The following DLGAP2 variants were observed in gnomAD, a reference collection of about 807,000 sequenced individuals.
The protein encoded by DLGAP2 is DLG associated protein 2.
DLGAP2 carries 26 observed loss-of-function variants against 100.3 expected under a neutral mutation model. That is an observed-to-expected ratio of 0.26 (90% CI 0.19 to 0.36). The LOEUF (loss-of-function observed/expected upper bound fraction) is 0.36. Ranked by LOEUF, DLGAP2 falls within the 10% of genes least tolerant of loss-of-function variation. The pLI is 1.00. For missense variants in DLGAP2, 1,858 were observed against 1,453.2 expected, an observed-to-expected ratio of 1.28 and a Z score of -4.53; for synonymous variants, 886 against 630.1, an observed-to-expected ratio of 1.41 and a Z score of -6.08.
At chr8:1,191,360 C>T (rs368341459) in intron 2 of DLGAP2, among the ~76,000 whole-genome samples, 10 of 152,024 alleles carry the variant, frequency 6.6e-5, no homozygotes, top group South Asian at 4.2e-4. Context: ...TTGGTAGAGA[C>T]GGGATTTCAC....
intron 3 of DLGAP2, among the ~76,000 whole-genome samples, chr8:1,281,063 C>G (rs890426554): frequency 1.3e-5 from 2 of 152,172 alleles, no homozygotes; most frequent in African/African-American, 4.8e-5. Flanking sequence ...AGAATAGTGC[C>G]CAGCTCAGAG....
At chr8:1,143,570 T>A (rs975037223) in intron 2 of DLGAP2, among the ~76,000 whole-genome samples, 1 of 152,180 alleles carries the variant, frequency 6.6e-6, no homozygotes, top group Non-Finnish European at 1.5e-5. Flanking sequence ...CGCTCAGGAC[T>A]CAGCCCCGGG....
At chr8:1,134,626 G>A (rs1221884092) in intron 2 of DLGAP2, among the ~76,000 whole-genome samples, 3 of 152,086 alleles carry the variant, frequency 2.0e-5, no homozygotes, top group African/African-American at 4.8e-5. Context: ...GTATAAGTTC[G>A]TTTTCACACT....
intron 1 of DLGAP2, among the ~76,000 whole-genome samples, chr8:864,382 A>G (rs1179601437): frequency 6.6e-6 from 1 of 152,210 alleles, no homozygotes; most frequent in Non-Finnish European, 1.5e-5. Flanking sequence ...TGATGGAAAC[A>G]CTACACACCC....
chr8:934,633 C>T (rs192132520), intron 2 of DLGAP2, among the ~76,000 whole-genome samples: 297 of 152,108 alleles, frequency 2.0e-3, no homozygotes, highest in Admixed American at 3.9e-3. Context: ...GTGGTGGGGA[C>T]GGTGGAGGCA....
chr8:892,355 C>A (rs1009247450), intron 1 of DLGAP2, among the ~76,000 whole-genome samples: 5 of 152,120 alleles, frequency 3.3e-5, no homozygotes, highest in Non-Finnish European at 7.4e-5. Flanking sequence ...CACAGCCGAA[C>A]ATGAGTCAGC....
At chr8:1,697,802 C>A (rs1799443529) in intron 14 of DLGAP2, among the ~76,000 whole-genome samples, 1 of 152,182 alleles carries the variant, frequency 6.6e-6, no homozygotes, top group Non-Finnish European at 1.5e-5. Context: ...ATGAATTAAT[C>A]TTCCTGTAGA....
chr8:1,522,480 C>G (rs1026338161), intron 4 of DLGAP2, among the ~76,000 whole-genome samples: 2 of 152,210 alleles, frequency 1.3e-5, no homozygotes, highest in Non-Finnish European at 2.9e-5. Flanking sequence ...CAGTCAGAGC[C>G]TCACGCACGG....
chr8:1,222,097 C>G (rs1798325321), intron 2 of DLGAP2, among the ~76,000 whole-genome samples: 2 of 152,162 alleles, frequency 1.3e-5, no homozygotes, highest in Non-Finnish European at 2.9e-5. Context: ...CCATTTCAAT[C>G]TGGTGAAGAA....
At chr8:1,535,537 G>A (rs760348200) in intron 4 of DLGAP2, among the ~76,000 whole-genome samples, 1 of 152,206 alleles carries the variant, frequency 6.6e-6, no homozygotes, top group African/African-American at 2.4e-5. Context: ...GGTCAGATGG[G>A]CATGCCTGGC....
intron 1 of DLGAP2, among the ~76,000 whole-genome samples, chr8:775,339 A>C (rs1276899000): frequency 6.6e-6 from 1 of 151,212 alleles, no homozygotes; most frequent in African/African-American, 2.4e-5. Context: ...AATACCCTTT[A>C]TTTCCTTCTC....
intron 2 of DLGAP2, among the ~76,000 whole-genome samples, chr8:998,963 G>A (rs1800864421): frequency 6.6e-6 from 1 of 152,154 alleles, no homozygotes; most frequent in African/African-American, 2.4e-5. Flanking sequence ...TACGTGGGCT[G>A]GTTGTAGCAT....
At chr8:1,348,118 T>G (rs1008299547) in intron 3 of DLGAP2, among the ~76,000 whole-genome samples, 4 of 151,328 alleles carry the variant, frequency 2.6e-5, no homozygotes, top group African/African-American at 9.7e-5. Flanking sequence ...ATTGCTCTCG[T>G]GTTAGCTGTG....
chr8:1,223,061 A>G (rs139229872), intron 2 of DLGAP2, among the ~76,000 whole-genome samples: 2,174 of 152,252 alleles, frequency 0.014, 31 homozygotes, highest in South Asian at 0.07. Flanking sequence ...TCTCCCTGCC[A>G]GCTCAGAGGT....
intron 1 of DLGAP2, among the ~76,000 whole-genome samples, chr8:867,749 C>G (rs1278180756): frequency 6.6e-6 from 1 of 152,168 alleles, no homozygotes; most frequent in Non-Finnish European, 1.5e-5. Context: ...TGCGTAATTC[C>G]TGTTCATATT....
chr8:921,146 C>G (rs1412240798), intron 2 of DLGAP2, among the ~76,000 whole-genome samples: 1 of 152,184 alleles, frequency 6.6e-6, no homozygotes, highest in South Asian at 2.1e-4. Context: ...GATTTCATCT[C>G]AGGCCCTTTT....
intron 12 of DLGAP2, among the ~76,000 whole-genome samples, chr8:1,690,601 G>C (rs1037834858): frequency 3.3e-5 from 5 of 150,732 alleles, no homozygotes; most frequent in African/African-American, 1.2e-4. Flanking sequence ...CTACTTGGGA[G>C]GCTGAGGCCA....
rs1168563110 is a variant in DLGAP2, at chr8:896,462, C to G, written c.19-11450C>G. Among the ~76,000 whole-genome samples the G allele has an allele frequency of 3.9e-5, 6 of 152,040 alleles. No homozygotes were observed. In the South Asian group the frequency reaches 1.0e-3, roughly 26 times the overall value. ...AGATGATGTATTTGGGGAAGTCACA[C>G]TAATTTTGGGGTACCCATCCGACAT... is the stretch of plus-strand genomic sequence containing the variant. On this transcript the variant is annotated intron_variant, in intron 1 of 14. Coordinates refer to ENST00000637795, the MANE Select transcript of DLGAP2 (RefSeq NM_001346810.2).
intron 1 of DLGAP2, among the ~76,000 whole-genome samples, chr8:803,690 A>G (rs1468574680): frequency 1.3e-5 from 2 of 152,222 alleles, no homozygotes; most frequent in Non-Finnish European, 2.9e-5. Context: ...CTGGCCTTCC[A>G]TGGTTAGTAG....
Sources: gnomAD v4.1 joint callset for allele counts (sites outside exome capture counted in the v4.1 genomes callset) on GRCh38, gnomAD v4.1.1 for gene constraint, MANE v1.5 for transcripts, NCBI Gene and HGNC (gene_info 2026-07-23, HGNC 2026-07-21) for gene names.